Variants in CFAP299 observed in about 807,000 individuals in gnomAD.
CFAP299 encodes the protein cilia- and flagella-associated protein 299.
In CFAP299, 21 loss-of-function variants were observed where a neutral mutation model predicts 27.0. The ratio of observed to expected loss-of-function variants is 0.78; its 90% confidence interval spans 0.55 to 1.12. The LOEUF (loss-of-function observed/expected upper bound fraction) is 1.12, where lower values mean the gene tolerates loss of function less well. Among genes scored for constraint, CFAP299 ranks in the 50% most tolerant of loss-of-function variants. The pLI, the probability that CFAP299 is intolerant of heterozygous loss-of-function variation, is 0.00. For missense variants in CFAP299, 310 were observed against 276.6 expected (o/e 1.12, Z -0.86); for synonymous variants, 104 against 98.1 (o/e 1.06, Z -0.36).
chr4:80,428,652 G>A (rs1270353744), intron 2 of CFAP299, among the ~76,000 whole-genome samples: 2 of 151,032 alleles, frequency 1.3e-5, no homozygotes, highest in Admixed American at 1.3e-4. Context: ...CCAGCCTCAC[G>A]AGTAGCTGGG....
At chr4:80,771,935 C>A (rs1726241523) in intron 3 of CFAP299, among the ~76,000 whole-genome samples, 1 of 152,136 alleles carries the variant, frequency 6.6e-6, no homozygotes, top group African/African-American at 2.4e-5. Context: ...ATGACAGACC[C>A]AGCCTAGAAT....
chr4:80,905,588 T>C (rs1473859287), intron 4 of CFAP299, among the ~76,000 whole-genome samples: 1 of 152,152 alleles, frequency 6.6e-6, no homozygotes, highest in East Asian at 1.9e-4. Context: ...GGGTAATTTA[T>C]AAAGGAAGGA....
intron 3 of CFAP299, 117 bp downstream of exon 3, chr4:80,583,300 C>T (rs1486646405): frequency 4.0e-6 from 2 of 503,964 alleles, no homozygotes; most frequent in South Asian, 4.8e-5. Flanking sequence ...AATATGATTC[C>T]TCTTTATTAA....
intron 1 of CFAP299, among the ~76,000 whole-genome samples, chr4:80,351,697 C>T (rs1470482478): frequency 1.3e-5 from 2 of 151,298 alleles, no homozygotes; most frequent in African/African-American, 2.4e-5. Flanking sequence ...AGTTCAAGAG[C>T]CATATATGCT....
intron 3 of CFAP299, among the ~76,000 whole-genome samples, chr4:80,835,523 G>GT (rs1420153042): frequency 6.6e-6 from 1 of 151,698 alleles, no homozygotes; most frequent in African/African-American, 2.4e-5. Flanking sequence ...GAAGTCAGCT[G>GT]TAATTGGCTG....
intron 1 of CFAP299, among the ~76,000 whole-genome samples, chr4:80,341,790 C>T (rs1722470812): frequency 6.6e-6 from 1 of 152,184 alleles, no homozygotes; most frequent in Admixed American, 6.5e-5. Flanking sequence ...CAACAGGTCT[C>T]CAGCAAGGGC....
chr4:80,765,611 A>T lies in CFAP299; in HGVS notation c.334-104382A>T, dbSNP rs113985288. ...AAATAATAAGATGCTATAAAAATAA[A>T]TTTTTTTATTTTTTTATTATACTTT... is the stretch of plus-strand genomic sequence containing the variant. On this transcript the variant is annotated intron_variant, in intron 3 of 5. Transcript: ENST00000358105. Among the ~76,000 whole-genome samples, 1,478 of 152,050 alleles carry T rather than the reference A, an allele frequency of 9.7e-3. 21 individuals are homozygous for T. Among genetic ancestry groups the T allele is most frequent in the African/African-American group, 0.033 (1,361 of 41,526 alleles).
chr4:80,620,034 T>C (rs1045861053), intron 3 of CFAP299, among the ~76,000 whole-genome samples: 1 of 152,136 alleles, frequency 6.6e-6, no homozygotes, highest in African/African-American at 2.4e-5. Flanking sequence ...GTGGAAACAA[T>C]TTTTAAATAT....
rs1264177211 is a variant in CFAP299, at chr4:80,384,878, A to C, written c.242+21994A>C. On this transcript the variant is annotated intron_variant, in intron 2 of 5. Transcript: ENST00000358105. The stretch of plus-strand genomic sequence containing the variant: ...CTAGGTTCTTTTTTAATTAAATTTT[A>C]TTTTAAAATGTTTTCCCTCTTTATA... Among the ~76,000 whole-genome samples the C allele has an allele frequency of 2.0e-5, 3 of 152,094 alleles. 1 individual carries two copies. Among genetic ancestry groups the C allele is most frequent in the Non-Finnish European group, 4.4e-5 (3 of 67,994 alleles).
intron 2 of CFAP299, among the ~76,000 whole-genome samples, chr4:80,410,369 C>G (rs1451643980): frequency 2.6e-5 from 4 of 152,058 alleles, no homozygotes; most frequent in African/African-American, 9.7e-5. Context: ...AGGGAAATAC[C>G]CTATATCTCC....
At chr4:80,813,197 A>G (rs900608388) in intron 3 of CFAP299, among the ~76,000 whole-genome samples, 5 of 152,056 alleles carry the variant, frequency 3.3e-5, no homozygotes, top group African/African-American at 1.2e-4. Flanking sequence ...ACTTAATGAA[A>G]ACACACATAT....
intron 4 of CFAP299, among the ~76,000 whole-genome samples, chr4:80,877,635 A>G (rs374503536): frequency 7.0e-6 from 1 of 143,200 alleles, no homozygotes; most frequent in Non-Finnish European, 1.5e-5. Flanking sequence ...GGATTACTCT[A>G]CATAAGATTT....
At chr4:80,360,122 G>A (rs774261348) in intron 1 of CFAP299, among the ~76,000 whole-genome samples, 2 of 152,212 alleles carry the variant, frequency 1.3e-5, no homozygotes, top group Non-Finnish European at 2.9e-5. Flanking sequence ...CTCCTGGACT[G>A]TGTGCTCTAA....
At chr4:80,842,199 G>A (rs1017160233) in intron 3 of CFAP299, among the ~76,000 whole-genome samples, 3 of 152,088 alleles carry the variant, frequency 2.0e-5, no homozygotes, top group African/African-American at 7.2e-5. Flanking sequence ...ATATTCATGG[G>A]TTCCCAAGTT....
intron 3 of CFAP299, among the ~76,000 whole-genome samples, chr4:80,856,603 G>T (rs34150373): frequency 6.6e-6 from 1 of 150,932 alleles, no homozygotes; most frequent in East Asian, 1.9e-4. Flanking sequence ...AAGGGATCGA[G>T]TTTCAGCTTT....
At chr4:80,347,799 A>G (rs1446853827) in intron 1 of CFAP299, among the ~76,000 whole-genome samples, 1 of 152,190 alleles carries the variant, frequency 6.6e-6, no homozygotes, top group East Asian at 1.9e-4. Flanking sequence ...AACATATAGA[A>G]CCAAAAAGAG....
At chr4:80,727,692 T>G (rs1479624443) in intron 3 of CFAP299, among the ~76,000 whole-genome samples, 3 of 152,078 alleles carry the variant, frequency 2.0e-5, no homozygotes, top group African/African-American at 4.8e-5. Context: ...TGATATCTAT[T>G]AACTTTTGTT....
intron 3 of CFAP299, among the ~76,000 whole-genome samples, chr4:80,800,665 T>TTAATATATATATGATA (rs1728517484): frequency 6.5e-5 from 7 of 107,174 alleles, no homozygotes; most frequent in African/African-American, 2.4e-4. Context: ...ATATGATATA[T>TTAATATATATATGATA]TAATATAAAT....
At chr4:80,430,962 T>TA in intron 2 of CFAP299, among the ~76,000 whole-genome samples, 1 of 152,220 alleles carries the variant, frequency 6.6e-6, no homozygotes, top group African/African-American at 2.4e-5. Context: ...CCAAATGGTT[T>TA]AGTCCCTCAC....
Sources: gnomAD v4.1 joint callset for allele counts (sites outside exome capture counted in the v4.1 genomes callset) on GRCh38, gnomAD v4.1.1 for gene constraint, MANE v1.5 for transcripts, NCBI Gene and HGNC (gene_info 2026-07-23, HGNC 2026-07-21) for gene names.